Variants in RUNX1T1 observed in about 807,000 individuals in gnomAD.
RUNX1T1 encodes the protein RUNX1 partner transcriptional co-repressor 1.
Under a neutral mutation model 62.8 loss-of-function variants are expected in RUNX1T1, and 4 were observed. That is an observed-to-expected ratio of 0.06 (90% CI 0.03 to 0.15). The LOEUF (loss-of-function observed/expected upper bound fraction) is 0.15, where lower values mean the gene tolerates loss of function less well. Among genes scored for constraint, RUNX1T1 ranks in the 10% least tolerant of loss-of-function variants. RUNX1T1 has a pLI of 1.00. For missense variants in RUNX1T1, 508 were observed against 754.3 expected, an observed-to-expected ratio of 0.67 and a Z score of 3.82; for synonymous variants, 291 against 286.0, an observed-to-expected ratio of 1.02 and a Z score of -0.18.
At chr8:92,034,891 C>T (rs1007171759) in intron 1 of RUNX1T1, among the ~76,000 whole-genome samples, 2 of 151,294 alleles carry the variant, frequency 1.3e-5, no homozygotes, top group Non-Finnish European at 2.9e-5. Flanking sequence ...TTTGCAGCAA[C>T]CCGGATGGAA....
rs370387451 is a variant in RUNX1T1 at position 92,073,415 on chromosome 8, C to T, written c.88+2550G>A. The stretch of plus-strand genomic sequence containing the variant: ...CTAACAGAGGCCCATCTCCAGGAGA[C>T]CCCAGCCTGCTTCAAACTTGCTACG... On this transcript the variant is annotated intron_variant, in intron 2 of 11. Transcript: ENST00000265814. 5.3e-5 allele frequency among the ~76,000 whole-genome samples: 8 copies of T among 152,272 alleles called. No homozygotes were observed. The East Asian group carries it at 1.5e-3, about 29-fold the overall frequency.
chr8:92,064,253 G>A (rs1832531374), upstream of RUNX1T1, among the ~76,000 whole-genome samples: 1 of 152,130 alleles, frequency 6.6e-6, no homozygotes, highest in South Asian at 2.1e-4. Context: ...TACCCAAGAA[G>A]GGCTGCTTTA....
At chr8:91,984,579 G>A (rs1187117790) in intron 8 of RUNX1T1, among the ~76,000 whole-genome samples, 4 of 152,066 alleles carry the variant, frequency 2.6e-5, no homozygotes, top group Non-Finnish European at 2.9e-5. Context: ...AATAAGTACT[G>A]ACTCAATGAA....
At chr8:92,102,947 G>A, upstream of RUNX1T1, 2 of 1,491,632 alleles carry the variant, frequency 1.3e-6, no homozygotes, top group Non-Finnish European at 8.9e-7. The surrounding 1 kb of genome is among the most constrained non-coding windows in gnomAD (Gnocchi z 4.5). Flanking sequence ...GCGGGGCGAC[G>A]GGGCGAGGAC....
intron 1 of RUNX1T1, among the ~76,000 whole-genome samples, chr8:92,023,241 CT>C (rs1824462526): frequency 1.3e-5 from 2 of 152,066 alleles, no homozygotes; most frequent in African/African-American, 4.8e-5. Flanking sequence ...TTGAATTCTA[CT>C]TTTCTTATCT....
chr8:92,053,965 A>G (rs747610151), intron 1 of RUNX1T1, among the ~76,000 whole-genome samples: 2 of 152,114 alleles, frequency 1.3e-5, no homozygotes, highest in Non-Finnish European at 1.5e-5. Context: ...TTGGGATAAC[A>G]CAGAAGTGGA....
chr8:91,997,479 T>G lies in RUNX1T1; in HGVS notation c.660-5590A>C, dbSNP rs10092127. Among the ~76,000 whole-genome samples, 371 of 152,326 alleles carry G rather than the reference T, an allele frequency of 2.4e-3. 1 individual carries two copies. Among genetic ancestry groups the G allele is most frequent in the African/African-American group, 8.5e-3 (355 of 41,564 alleles). ...TTCTAATATTCATCCTGTCATTTAT[T>G]TATTTAAATAAATTATGTGCCTTAC... On this transcript the variant is annotated intron_variant, in intron 5 of 10. Transcript: ENST00000396218.
intron 10 of RUNX1T1, among the ~76,000 whole-genome samples, chr8:91,968,266 G>T (rs1812054959): frequency 6.6e-6 from 1 of 152,094 alleles, no homozygotes; most frequent in Admixed American, 6.6e-5. Context: ...ATGAAGACAG[G>T]ACACCTGACA....
intron 2 of RUNX1T1, 121 bp downstream of exon 3, chr8:92,017,105 T>A (rs977025371): frequency 4.2e-6 from 3 of 706,458 alleles, no homozygotes; most frequent in Non-Finnish European, 7.2e-6. Flanking sequence ...TGATTTTTTT[T>A]GGTTCATTTC....
At chr8:92,016,114 T>A (rs1822945332) in intron 2 of RUNX1T1, among the ~76,000 whole-genome samples, 2 of 152,264 alleles carry the variant, frequency 1.3e-5, no homozygotes, top group African/African-American at 2.4e-5. Context: ...TCATGGCACA[T>A]GGTGTGCAAA....
Position 92,027,304 on chromosome 8 carries a change from G to A in RUNX1T1, c.8-9941C>T, listed in dbSNP as rs375831381. ...GATGGTTACTATGTTAGAAAGCTCA[G>A]TTATAAAACACTTCTGTCATCAGAA... is the stretch of plus-strand genomic sequence containing the variant. On this transcript the variant is annotated intron_variant, in intron 1 of 10. Transcript: ENST00000396218. 6.2e-4 allele frequency among the ~76,000 whole-genome samples: 95 copies of A among 152,240 alleles called. 3 individuals are homozygous for A. The highest frequency in any genetic ancestry group is 2.2e-3 in the African/African-American group (92 of 41,536).
At chr8:91,999,927 G>A (rs963961741) in intron 5 of RUNX1T1, among the ~76,000 whole-genome samples, 1 of 152,166 alleles carries the variant, frequency 6.6e-6, no homozygotes, top group African/African-American at 2.4e-5. Flanking sequence ...AAAGCAGCAA[G>A]AAATCAGGCT....
intron 1 of RUNX1T1, among the ~76,000 whole-genome samples, chr8:92,036,965 T>C (rs1468048988): frequency 6.6e-6 from 1 of 152,224 alleles, no homozygotes. Context: ...AGCTTCAGAT[T>C]TGTCCCAAAT....
chr8:92,043,632 G>A (rs982729699), intron 1 of RUNX1T1, among the ~76,000 whole-genome samples: 1 of 151,780 alleles, frequency 6.6e-6, no homozygotes, highest in Non-Finnish European at 1.5e-5. Context: ...TAATTTCCTT[G>A]GAATTTTGGA....
chr8:91,962,516 G>C (rs537024430), intron 10 of RUNX1T1, among the ~76,000 whole-genome samples: 5 of 152,172 alleles, frequency 3.3e-5, no homozygotes, highest in African/African-American at 1.2e-4. Context: ...AGCTCTGATC[G>C]CAAGTCTCAT....
upstream of RUNX1T1, among the ~76,000 whole-genome samples, chr8:92,100,619 A>G (rs956153458): frequency 6.6e-6 from 1 of 152,212 alleles, no homozygotes; most frequent in Non-Finnish European, 1.5e-5. Flanking sequence ...GGCTGCAAAA[A>G]AAGCCCGGAT....
At chr8:92,001,171 T>A (rs1239700207) in intron 5 of RUNX1T1, among the ~76,000 whole-genome samples, 1 of 151,186 alleles carries the variant, frequency 6.6e-6, no homozygotes, top group African/African-American at 2.4e-5. Flanking sequence ...AAAAAAAAAA[T>A]ACAGATAACA....
chr8:92,082,542 C>T (rs967386428), intron 1 of RUNX1T1, among the ~76,000 whole-genome samples: 1 of 152,196 alleles, frequency 6.6e-6, no homozygotes, highest in African/African-American at 2.4e-5. Flanking sequence ...AGGCCCCACA[C>T]ACAGCTGTCT....
intron 4 of RUNX1T1, 98 bp downstream of exon 5, chr8:92,010,903 TA>T: frequency 1.5e-6 from 1 of 667,714 alleles, no homozygotes; most frequent in Non-Finnish European, 2.7e-6. Context: ...TCCATTAAAT[TA>T]AATCAAAGAG....
Sources: gnomAD v4.1 joint callset for allele counts (sites outside exome capture counted in the v4.1 genomes callset) on GRCh38, gnomAD v4.1.1 for gene constraint, Gnocchi (gnomAD v3.1) non-coding constraint, MANE v1.5 for transcripts, NCBI Gene and HGNC (gene_info 2026-07-23, HGNC 2026-07-21) for gene names.